Variants in IFT52 observed in about 807,000 individuals in gnomAD.
IFT52 encodes the protein intraflagellar transport protein 52 homolog.
A neutral mutation model predicts 54.4 loss-of-function variants in IFT52; 44 were observed. That is an observed-to-expected ratio of 0.81 (90% CI 0.63 to 1.04). The LOEUF (loss-of-function observed/expected upper bound fraction) is 1.04, where lower values mean the gene tolerates loss of function less well. Ranked by LOEUF, IFT52 falls within the 50% of genes least tolerant of loss-of-function variation. The pLI is 0.00. For synonymous variants in IFT52, 181 were observed against 185.3 expected (o/e 0.98, Z 0.19); for missense variants, 452 against 523.6 (o/e 0.86, Z 1.33).
At chr20:43,615,430 T>C (rs1983784064) in intron 7 of IFT52, among the ~76,000 whole-genome samples, 1 of 152,240 alleles carries the variant, frequency 6.6e-6, no homozygotes, top group Admixed American at 6.5e-5. Flanking sequence ...TAATTTTTTT[T>C]CTAGGGACCT....
At chr20:43,604,936 TA>T in intron 5 of IFT52, 65 bp from the exon 6 acceptor site, 1 of 1,524,186 alleles carries the variant, frequency 6.6e-7, no homozygotes, top group East Asian at 2.3e-5. Context: ...CTTGCTGTAC[TA>T]ATGAATGCAG....
intron 11 of IFT52, among the ~76,000 whole-genome samples, chr20:43,636,687 C>T (rs1985560927): frequency 6.6e-6 from 1 of 152,222 alleles, no homozygotes; most frequent in Admixed American, 6.5e-5. Context: ...GCATCTGGTT[C>T]TCCAAATAAC....
intron 3 of IFT52, among the ~76,000 whole-genome samples, chr20:43,603,186 G>C (rs1982591371): frequency 6.6e-6 from 1 of 152,146 alleles, no homozygotes; most frequent in Admixed American, 6.5e-5. Flanking sequence ...TTGTGAAAAT[G>C]AGAGAGCTTC....
chr20:43,638,193 A>ATT (rs10710648), intron 12 of IFT52, among the ~76,000 whole-genome samples: 1 of 146,700 alleles, frequency 6.8e-6, no homozygotes, highest in Non-Finnish European at 1.5e-5. Context: ...AGGAGATTAT[A>ATT]TTTTTTTTTT....
intron 4 of IFT52, 78 bp from the exon 5 acceptor site, chr20:43,604,105 G>C: frequency 8.1e-7 from 1 of 1,235,546 alleles, no homozygotes; most frequent in Non-Finnish European, 1.2e-6. Flanking sequence ...GTGCCCTTCA[G>C]GTCAAAATTG....
chr20:43,604,929 G>C, intron 5 of IFT52, 73 bp from the exon 6 acceptor site: 1 of 1,479,328 alleles, frequency 6.8e-7, no homozygotes. Flanking sequence ...CCTCATACTT[G>C]CTGTACTAAT....
Position 43,613,992 on chromosome 20 carries a change from G to A in IFT52, c.612+16G>A. ...TCACTCAAAGGTACAGCTTTTCTTA[G>A]ATATGGGTATAGATGTTATTTTTAT... On this transcript the variant is annotated intron_variant, in intron 7 of 13. Transcript: ENST00000373030. 1.2e-6 allele frequency: 2 copies of A among 1,607,050 alleles called. No homozygotes were observed. The highest frequency in any genetic ancestry group is 1.7e-6 in the Non-Finnish European group (2 of 1,174,784).
chr20:43,636,098 C>T, intron 11 of IFT52, 85 bp downstream of exon 11: 1 of 1,274,514 alleles, frequency 7.8e-7, no homozygotes, highest in South Asian at 1.2e-5. Context: ...TGGTCCCTTC[C>T]ATGTGCCATT....
At position 43,618,932 on chromosome 20, in the gene IFT52, A is replaced by G; in HGVS notation, c.613-8A>G. The G allele has an allele frequency of 1.2e-6, 2 of 1,607,558 alleles. No homozygotes were observed. The highest frequency in any genetic ancestry group is 2.2e-5 in the South Asian group (2 of 90,846). ...TTTGAGTATCTGACCCTGCTTTGTC[A>G]TCAATAGAACCAAGGTGGGAAGCTG... On this transcript the variant is annotated splice_region_variant and splice_polypyrimidine_tract_variant and intron_variant, in intron 7 of 13. Coordinates refer to ENST00000373030, the MANE Select transcript of IFT52 (RefSeq NM_016004.5).
At chr20:43,633,632 C>T (rs1364034545) in intron 10 of IFT52, among the ~76,000 whole-genome samples, 1 of 151,968 alleles carries the variant, frequency 6.6e-6, no homozygotes, top group African/African-American at 2.4e-5. Context: ...CGCTTGAACC[C>T]GGGAGGCAGA....
chr20:43,603,716 AG>A, intron 3 of IFT52, 43 bp from the exon 4 acceptor site: 2 of 1,585,016 alleles, frequency 1.3e-6, no homozygotes, highest in Non-Finnish European at 1.7e-6. Flanking sequence ...TTCGGGCAAA[AG>A]TCTTTCAAGT....
intron 6 of IFT52, among the ~76,000 whole-genome samples, chr20:43,607,267 C>A (rs765843260): frequency 2.9e-3 from 414 of 144,532 alleles, no homozygotes; most frequent in Non-Finnish European, 4.5e-3. Context: ...GGGGGCTGAC[C>A]CCCCCACCTC....
At chr20:43,639,813 G>C (rs1985793133) in intron 12 of IFT52, among the ~76,000 whole-genome samples, 1 of 151,794 alleles carries the variant, frequency 6.6e-6, no homozygotes, top group Admixed American at 6.6e-5. Flanking sequence ...CTCCAGCCTG[G>C]GTGACAAAGG....
chr20:43,609,643 C>T (rs1176926044), intron 6 of IFT52, among the ~76,000 whole-genome samples: 1 of 151,874 alleles, frequency 6.6e-6, no homozygotes, highest in South Asian at 2.1e-4. Context: ...AGGATGGTGG[C>T]GGGCACCTGT....
intron 12 of IFT52, 27 bp from the exon 13 acceptor site, chr20:43,642,452 A>G: frequency 6.2e-7 from 1 of 1,607,330 alleles, no homozygotes; most frequent in East Asian, 2.2e-5. Context: ...TTAAGAATTA[A>G]TCTAACTACT....
At chr20:43,609,017 G>C (rs1568736760) in intron 6 of IFT52, among the ~76,000 whole-genome samples, 1 of 151,606 alleles carries the variant, frequency 6.6e-6, no homozygotes, top group Non-Finnish European at 1.5e-5. Context: ...GGGCCAATGG[G>C]TTGAGGCTAA....
chr20:43,637,416 C>T (rs113003537), intron 12 of IFT52, among the ~76,000 whole-genome samples, 163 bp downstream of exon 12: 2,448 of 152,280 alleles, frequency 0.016, 69 homozygotes, highest in African/African-American at 0.056. Flanking sequence ...GCATGCGCCA[C>T]CACGCCCAGC....
chr20:43,635,933 G>A lies in IFT52; in HGVS notation c.931G>A (p.Glu311Lys), dbSNP rs145672738. ...GTTTGATTATGAACACAGGGCTCAC[G>A]AGCAGCTAAATGTGAAACATGAACC... ...TSFHSVIEAH[E>K]QLNVKHEPLQ... Residue 311 changes from glutamate (E) to lysine (K), a missense_variant, in exon 11 of 14, where the codon GAG becomes AAG. By Grantham distance (56) the Glu-to-Lys change is moderately conservative (BLOSUM62 1). Transcript: ENST00000373030. The A allele has an allele frequency of 8.9e-5, 144 of 1,614,050 alleles. 2 individuals are homozygous for A. The highest frequency in any genetic ancestry group is 4.7e-4 in the East Asian group (21 of 44,876).
intron 6 of IFT52, among the ~76,000 whole-genome samples, chr20:43,612,288 G>T (rs946215400): frequency 1.3e-4 from 20 of 152,088 alleles, no homozygotes; most frequent in African/African-American, 4.8e-4. Flanking sequence ...GCTGGAGTAA[G>T]GGTAGAAGGT....
Sources: gnomAD v4.1 joint callset for allele counts (sites outside exome capture counted in the v4.1 genomes callset) on GRCh38, gnomAD v4.1.1 for gene constraint, MANE v1.5 for transcripts, NCBI Gene and HGNC (gene_info 2026-07-23, HGNC 2026-07-21) for gene names.